KCNMA1: variants seen among roughly 807,000 people sequenced by gnomAD.
The protein encoded by KCNMA1 is potassium calcium-activated channel subfamily M alpha 1.
In KCNMA1, 29 loss-of-function variants were observed where a neutral mutation model predicts 140.0. The ratio of observed to expected loss-of-function variants is 0.21; its 90% CI spans 0.15 to 0.28. The LOEUF is 0.28. Among genes scored for constraint, KCNMA1 ranks in the 10% least tolerant of loss-of-function variants. The probability of loss-of-function intolerance (pLI) is 1.00; values close to 1 mark genes in which losing one functional copy is unlikely to be tolerated. For synonymous variants in KCNMA1, 612 were observed against 611.9 expected (o/e 1.00, Z 0.00); for missense variants, 880 against 1,602.2 (o/e 0.55, Z 7.70).
At chr10:76,928,275 A>G (rs2058292161) in intron 23 of KCNMA1, among the ~76,000 whole-genome samples, 1 of 137,240 alleles carries the variant, frequency 7.3e-6, no homozygotes, top group Non-Finnish European at 1.6e-5. Context: ...ACACACACAC[A>G]CGAACACGCG....
intron 2 of KCNMA1, among the ~76,000 whole-genome samples, chr10:77,398,545 T>C (rs1202223110): frequency 6.6e-6 from 1 of 152,250 alleles, no homozygotes; most frequent in African/African-American, 2.4e-5. Context: ...TAAATGTTAT[T>C]TGGTGATTTT....
Position 77,637,560 on chromosome 10 carries a change from T to C in KCNMA1, c.83A>G (p.Asn28Ser), listed in dbSNP as rs2093893223. 1.9e-6 allele frequency: 3 copies of C among 1,541,836 alleles called. No individual in the cohort carries two copies. Among genetic ancestry groups the C allele is most frequent in the Non-Finnish European group, 2.6e-6 (3 of 1,143,708 alleles). The part of the protein sequence containing the change: ...GGGSSLRMSS[N>S]IHANHLSLDA... ...TAGGCTGAGATGGTTCGCGTGGATA[T>C]TGCTACTCATTCTAAGACTGCTGCC... The change falls in exon 1 of 28, where the codon AAT becomes AGT. Residue 28 changes from asparagine (N) to serine (S), a missense_variant. By Grantham distance (46) the Asn-to-Ser change is conservative (BLOSUM62 1). Around this residue, in one of 13 missense-constraint regions of KCNMA1, gnomAD observed 94 missense variants for 92.4 expected, o/e 1.02. Coordinates refer to ENST00000286628, the MANE Select transcript of KCNMA1 (RefSeq NM_001161352.2).
chr10:76,882,904 G>T (rs982498217), downstream of KCNMA1, among the ~76,000 whole-genome samples: 1 of 152,196 alleles, frequency 6.6e-6, no homozygotes, highest in Middle Eastern at 3.2e-3. Context: ...TTGAGAAATT[G>T]ATTTTTACCC....
chr10:76,973,582 C>A (rs963506959), intron 19 of KCNMA1, among the ~76,000 whole-genome samples: 7 of 152,154 alleles, frequency 4.6e-5, no homozygotes, highest in African/African-American at 1.7e-4. Context: ...AGACAATGTT[C>A]TGAGAATTGA....
At chr10:77,161,470 C>T (rs1037819246) in intron 5 of KCNMA1, among the ~76,000 whole-genome samples, 3 of 152,218 alleles carry the variant, frequency 2.0e-5, no homozygotes, top group African/African-American at 7.2e-5. Flanking sequence ...GTCTTCAACC[C>T]CTGGGCTCAA....
chr10:77,525,259 G>GA (rs1437639960), intron 1 of KCNMA1, among the ~76,000 whole-genome samples: 1 of 152,136 alleles, frequency 6.6e-6, no homozygotes, highest in African/African-American at 2.4e-5. Context: ...GTAAGAATAT[G>GA]AAAAAAGAGA....
At chr10:77,624,117 C>T (rs2092074860) in intron 1 of KCNMA1, among the ~76,000 whole-genome samples, 1 of 152,288 alleles carries the variant, frequency 6.6e-6, no homozygotes, top group East Asian at 1.9e-4. Context: ...AGCTGGAATG[C>T]TCCGTGGAAC....
intron 9 of KCNMA1, among the ~76,000 whole-genome samples, chr10:77,098,064 C>G (rs1170311219): frequency 6.6e-6 from 1 of 152,184 alleles, no homozygotes; most frequent in Non-Finnish European, 1.5e-5. Flanking sequence ...ACCTCAGCTA[C>G]CCTAGAGGGA....
intron 14 of KCNMA1, among the ~76,000 whole-genome samples, chr10:77,057,592 A>G (rs1472515989): frequency 6.6e-6 from 1 of 152,118 alleles, no homozygotes; most frequent in African/African-American, 2.4e-5. Context: ...TAATACAACT[A>G]TAACATAAAA....
At chr10:77,435,609 T>A (rs924327487) in intron 1 of KCNMA1, among the ~76,000 whole-genome samples, 1 of 152,210 alleles carries the variant, frequency 6.6e-6, no homozygotes, top group Non-Finnish European at 1.5e-5. Context: ...CTACACCACC[T>A]GTGGTGTGGG....
chr10:77,506,571 TAGAGAGAGAGAGAG>T, intron 1 of KCNMA1, among the ~76,000 whole-genome samples: 1 of 78,114 alleles, frequency 1.3e-5, no homozygotes, highest in South Asian at 4.4e-4. Context: ...GAGATGTTCC[TAGAGAGAGAGAGAG>T]AGAGAGAGAG....
intron 1 of KCNMA1, among the ~76,000 whole-genome samples, chr10:77,544,913 T>C (rs1035455403): frequency 1.3e-5 from 2 of 152,198 alleles, no homozygotes; most frequent in African/African-American, 4.8e-5. Flanking sequence ...CTAATCCCCT[T>C]CCATAAGCAT....
intron 2 of KCNMA1, among the ~76,000 whole-genome samples, chr10:77,392,807 C>T (rs1054451748): frequency 2.0e-5 from 3 of 152,218 alleles, no homozygotes; most frequent in Non-Finnish European, 4.4e-5. Context: ...ACCCACCTCC[C>T]CAAATACTGG....
intron 25 of KCNMA1, among the ~76,000 whole-genome samples, chr10:76,896,512 T>TG (rs1234873633): frequency 6.6e-6 from 1 of 152,112 alleles, no homozygotes; most frequent in African/African-American, 2.4e-5. Flanking sequence ...ACAAAGATGA[T>TG]GGGATTAAGA....
intron 17 of KCNMA1, among the ~76,000 whole-genome samples, chr10:77,017,054 T>A (rs1593725797): frequency 6.6e-6 from 1 of 152,176 alleles, no homozygotes; most frequent in Non-Finnish European, 1.5e-5. Flanking sequence ...TACAGCCTGG[T>A]GTTGTAGCTG....
At chr10:76,989,056 G>A (rs2082055416) in intron 19 of KCNMA1, among the ~76,000 whole-genome samples, 2 of 152,168 alleles carry the variant, frequency 1.3e-5, no homozygotes, top group African/African-American at 2.4e-5. Context: ...CATTTGTAGA[G>A]ACACTGCATA....
chr10:77,525,113 G>C (rs1250741267), intron 1 of KCNMA1, among the ~76,000 whole-genome samples: 3 of 152,206 alleles, frequency 2.0e-5, no homozygotes, highest in Non-Finnish European at 4.4e-5. Context: ...TAATTTTGTA[G>C]CCAATGTATA....
chr10:77,601,885 A>G (rs892285368), intron 1 of KCNMA1, among the ~76,000 whole-genome samples: 1 of 152,182 alleles, frequency 6.6e-6, no homozygotes, highest in African/African-American at 2.4e-5. Flanking sequence ...TCTGCTAATG[A>G]TCAGATCCAG....
Position 77,516,834 on chromosome 10 carries a change from C to T in KCNMA1, c.379-112811G>A, listed in dbSNP as rs1390543279. Among the ~76,000 whole-genome samples, 7 of 152,042 alleles carry T rather than the reference C, an allele frequency of 4.6e-5. No homozygotes were observed. The South Asian group carries it at 6.2e-4, about 14-fold the overall frequency. ...CGGCTGGTGTGGGGTGGGCACCTGC[C>T]GGTGTACGGGAGACTGAAGGGTGGA... On this transcript the variant is annotated intron_variant, in intron 1 of 27. Transcript: ENST00000286628.
Sources: gnomAD v4.1 joint callset for allele counts (sites outside exome capture counted in the v4.1 genomes callset) on GRCh38, gnomAD v4.1.1 for gene constraint, gnomAD v4.1.1 regional missense constraint, MANE v1.5 for transcripts, NCBI Gene and HGNC (gene_info 2026-07-23, HGNC 2026-07-21) for gene names.